Variants in ATP2B2 observed in about 807,000 individuals in gnomAD.
ATP2B2 encodes the protein plasma membrane calcium-transporting ATPase 2.
A neutral mutation model predicts 120.0 loss-of-function variants in ATP2B2; 15 were observed. The observed-to-expected ratio is 0.12, with a 90% CI of 0.08 to 0.19. The LOEUF (loss-of-function observed/expected upper bound fraction) is 0.19. Among genes scored for constraint, ATP2B2 ranks in the 10% least tolerant of loss-of-function variants. The probability of loss-of-function intolerance (pLI) is 1.00; values close to 1 mark genes in which losing one functional copy is unlikely to be tolerated. For synonymous variants in ATP2B2, 694 were observed against 700.3 expected (o/e 0.99, Z 0.14); for missense variants, 1,045 against 1,719.8 (o/e 0.61, Z 6.94).
chr3:10,508,018 T>C (rs2066681323), upstream of ATP2B2, among the ~76,000 whole-genome samples: 1 of 149,160 alleles, frequency 6.7e-6, no homozygotes, highest in South Asian at 2.1e-4. Flanking sequence ...GTGGTCCCTG[T>C]CTGAGACGGG....
At chr3:10,401,173 C>A (rs2062207164) in intron 4 of ATP2B2, 95 bp from the exon 5 acceptor site, 7 of 1,517,134 alleles carry the variant, frequency 4.6e-6, no homozygotes, top group East Asian at 2.4e-5. Context: ...GAAGGTTTGC[C>A]ATCAGGGACA....
chr3:10,502,490 C>G (rs1026754699), intron 1 of ATP2B2, among the ~76,000 whole-genome samples: 4 of 152,214 alleles, frequency 2.6e-5, no homozygotes, highest in African/African-American at 9.6e-5. Context: ...TGCTTCTTGT[C>G]TGGGGCCTGA....
intron 2 of ATP2B2, among the ~76,000 whole-genome samples, chr3:10,609,456 C>T (rs981579529): frequency 5.9e-5 from 9 of 152,178 alleles, no homozygotes; most frequent in African/African-American, 1.7e-4. Context: ...TGGCTGAAGC[C>T]GGGAGCTTTC....
At chr3:10,569,308 C>G (rs1161722665) in intron 2 of ATP2B2, among the ~76,000 whole-genome samples, 12 of 152,230 alleles carry the variant, frequency 7.9e-5, no homozygotes, top group Admixed American at 6.5e-5. Flanking sequence ...CCCTCACTCA[C>G]ATCCCTAGTG....
At chr3:10,665,178 A>C (rs1035413043) in intron 1 of ATP2B2, among the ~76,000 whole-genome samples, 2 of 152,198 alleles carry the variant, frequency 1.3e-5, no homozygotes, top group African/African-American at 4.8e-5. Flanking sequence ...TGCATTGAGG[A>C]TGAAGAATAA....
At chr3:10,598,475 A>C (rs2068824169) in intron 2 of ATP2B2, among the ~76,000 whole-genome samples, 1 of 152,224 alleles carries the variant, frequency 6.6e-6, no homozygotes, top group Non-Finnish European at 1.5e-5. Context: ...AAGTGACAAA[A>C]TTTGGAGGGA....
At chr3:10,426,820 A>G (rs915727083) in intron 2 of ATP2B2, among the ~76,000 whole-genome samples, 7 of 145,100 alleles carry the variant, frequency 4.8e-5, no homozygotes, top group Non-Finnish European at 7.6e-5. Flanking sequence ...GTTTCCTAGA[A>G]ATAGATTCCT....
chr3:10,368,947 A>AG (rs2061148404), intron 12 of ATP2B2, among the ~76,000 whole-genome samples: 1 of 152,184 alleles, frequency 6.6e-6, no homozygotes. Flanking sequence ...AGTCTATCCA[A>AG]GGGGGATGAG....
At position 10,459,791 on chromosome 3, in the gene ATP2B2, C is replaced by T. The variant is rs368027331; in HGVS notation, c.-319-9929G>A. ...GCTTGTTTAATCCTTCACAACGATG[C>T]TTTGCACTGGTACTCCAGCCCCGCC... On this transcript the variant is annotated intron_variant, in intron 1 of 22. Coordinates refer to ENST00000360273, the MANE Select transcript of ATP2B2 (RefSeq NM_001001331.4). Among the ~76,000 whole-genome samples the T allele has an allele frequency of 4.6e-5, 7 of 152,380 alleles. 1 individual carries two copies. Among genetic ancestry groups the T allele is most frequent in the African/African-American group, 1.7e-4 (7 of 41,594 alleles).
intron 9 of ATP2B2, among the ~76,000 whole-genome samples, chr3:10,378,986 C>T (rs1364054349): frequency 1.3e-5 from 2 of 152,232 alleles, no homozygotes; most frequent in African/African-American, 4.8e-5. Flanking sequence ...ATCTCAAAGT[C>T]TTCAGCTGAA....
chr3:10,377,458 C>G (rs2061412579), intron 10 of ATP2B2, among the ~76,000 whole-genome samples: 2 of 152,214 alleles, frequency 1.3e-5, no homozygotes. Flanking sequence ...GAGACAGCCA[C>G]AAAGGATCGA....
At chr3:10,505,281 G>A (rs1382394246) in intron 1 of ATP2B2, among the ~76,000 whole-genome samples, 184 bp downstream of exon 1, 1 of 151,848 alleles carries the variant, frequency 6.6e-6, no homozygotes, top group African/African-American at 2.4e-5. Flanking sequence ...GTGCAGCCTC[G>A]GCTGCTGCCA....
intron 5 of ATP2B2, among the ~76,000 whole-genome samples, chr3:10,390,234 A>C (rs773597196): frequency 2.8e-4 from 43 of 152,034 alleles, no homozygotes; most frequent in Non-Finnish European, 4.4e-5. Context: ...ACTAGGTGCC[A>C]CTTCTTCCTG....
rs370052108 is a variant in ATP2B2 at position 10,473,963 on chromosome 3, G to T, written c.-319-24101C>A. On this transcript the variant is annotated intron_variant, in intron 1 of 22. Transcript: ENST00000360273. ...AAAGAATTTTAGGTGATAGATTAAC[G>T]TACTTTTCCCTTTTTCACGGATCTG... Among the ~76,000 whole-genome samples the T allele has an allele frequency of 3.3e-5, 5 of 152,342 alleles. No individual in the cohort carries two copies. In the East Asian group the frequency reaches 9.6e-4, roughly 29 times the overall value.
intron 1 of ATP2B2, among the ~76,000 whole-genome samples, chr3:10,707,062 C>A (rs1176258293): frequency 2.6e-5 from 4 of 152,198 alleles, no homozygotes; most frequent in African/African-American, 7.2e-5. Context: ...GGCCTCAGGG[C>A]AAGGAGGGGT....
At chr3:10,382,611 C>A (rs578172048) in intron 8 of ATP2B2, among the ~76,000 whole-genome samples, 14 of 152,058 alleles carry the variant, frequency 9.2e-5, no homozygotes, top group Middle Eastern at 3.4e-3. Flanking sequence ...CCTGCCTTGG[C>A]CTCCCAAAGT....
upstream of ATP2B2, among the ~76,000 whole-genome samples, chr3:10,510,397 A>T (rs917896872): frequency 2.6e-5 from 4 of 152,260 alleles, no homozygotes; most frequent in African/African-American, 9.6e-5. Flanking sequence ...CAGAGTGAGT[A>T]GGGGAATTGG....
rs1202676256 is a variant in ATP2B2 at position 10,471,664 on chromosome 3, C to G, written c.-319-21802G>C. ...CGATATTACCATAAAAAATGATAGG[C>G]AAGGAAGGTGACGAATATGTTAATT... is the stretch of plus-strand genomic sequence containing the variant. On this transcript the variant is annotated intron_variant, in intron 1 of 22. Coordinates refer to ENST00000360273, the MANE Select transcript of ATP2B2 (RefSeq NM_001001331.4). Among the ~76,000 whole-genome samples the G allele has an allele frequency of 2.6e-5, 4 of 151,968 alleles. No individual in the cohort carries two copies. The East Asian group carries it at 7.8e-4, about 29-fold the overall frequency.
chr3:10,440,091 G>C (rs1199836833), intron 2 of ATP2B2, among the ~76,000 whole-genome samples: 1 of 107,762 alleles, frequency 9.3e-6, no homozygotes, highest in Non-Finnish European at 1.7e-5. Flanking sequence ...AACAGAGTGA[G>C]ACTCTATCTA....
Sources: allele counts gnomAD v4.1 joint callset (sites outside exome capture counted in the v4.1 genomes callset), GRCh38; gene constraint gnomAD v4.1.1; transcripts MANE v1.5; gene names NCBI Gene and HGNC (gene_info 2026-07-23, HGNC 2026-07-21).